MACO1: variants seen among roughly 807,000 people sequenced by gnomAD.
MACO1 encodes the protein macoilin 1.
A neutral mutation model predicts 78.7 loss-of-function variants in MACO1; 14 were observed. That is an observed-to-expected ratio of 0.18 (90% confidence interval 0.12 to 0.28). The LOEUF (loss-of-function observed/expected upper bound fraction) is 0.28, where lower values mean the gene tolerates loss of function less well. Ranked by LOEUF, MACO1 falls within the 10% of genes least tolerant of loss-of-function variation. The pLI is 1.00. For missense variants in MACO1, 501 were observed against 799.0 expected, an observed-to-expected ratio of 0.63 and a Z score of 4.50; for synonymous variants, 288 against 291.6, an observed-to-expected ratio of 0.99 and a Z score of 0.12.
At chr1:25,484,551 T>G (rs2043411508) in intron 7 of MACO1, among the ~76,000 whole-genome samples, 1 of 152,258 alleles carries the variant, frequency 6.6e-6, no homozygotes, top group African/African-American at 2.4e-5. Flanking sequence ...AGTTTTTGGA[T>G]AGTAAAATTG....
chr1:25,465,523 C>T (rs146370248), intron 6 of MACO1, among the ~76,000 whole-genome samples: 31 of 152,290 alleles, frequency 2.0e-4, no homozygotes, highest in African/African-American at 7.0e-4. Context: ...TTTTAATTTG[C>T]ATTTCCCTGG....
chr1:25,461,689 T>C (rs1020185428), intron 6 of MACO1, among the ~76,000 whole-genome samples: 4 of 152,088 alleles, frequency 2.6e-5, no homozygotes, highest in Non-Finnish European at 5.9e-5. Flanking sequence ...AATCATACTT[T>C]CAAGCCATAT....
In MACO1 at chr1:25,448,779, C is replaced by A. The variant is rs902338076; in HGVS notation, c.223-29C>A. 5.3e-6 allele frequency: 8 copies of A among 1,496,476 alleles called. No individual in the cohort carries two copies. In the African/African-American group the frequency reaches 8.2e-5, roughly 15 times the overall value. The allele number at this position is 1,496,476 out of a possible 1,614,324, so 92.7% of individuals were successfully genotyped here. A position where few individuals can be genotyped will look rare whatever the true frequency, so the allele number is the denominator to read the frequency against. ...GAAAATAACAGGTTCTAAGATGTAT[C>A]TTTTATTTTGTTTTATTTTTCCCTT... On this transcript the variant is annotated intron_variant, in intron 2 of 10. Transcript: ENST00000374343.
intron 6 of MACO1, among the ~76,000 whole-genome samples, chr1:25,464,555 G>A (rs1400328125): frequency 1.3e-5 from 2 of 151,666 alleles, no homozygotes; most frequent in Non-Finnish European, 1.5e-5. Context: ...ATGTTGGCCA[G>A]GCTGGTCTTG....
intron 6 of MACO1, among the ~76,000 whole-genome samples, chr1:25,481,132 T>TA (rs2043373834): frequency 6.6e-6 from 1 of 151,782 alleles, no homozygotes; most frequent in Admixed American, 6.6e-5. Flanking sequence ...GGGAAAAGAT[T>TA]AAAAAATGAA....
intron 6 of MACO1, 110 bp from the exon 7 acceptor site, chr1:25,484,006 G>T: frequency 3.7e-6 from 4 of 1,094,998 alleles, no homozygotes; most frequent in Non-Finnish European, 3.9e-6. Flanking sequence ...AACTGCCAGC[G>T]GGGTCCTTTT....
chr1:25,457,989 G>A (rs558895625), intron 5 of MACO1, among the ~76,000 whole-genome samples: 22 of 152,066 alleles, frequency 1.4e-4, no homozygotes, highest in Middle Eastern at 3.4e-3. Context: ...TTAACAGTTC[G>A]TTTACTCCAG....
chr1:25,431,028 G>C lies in MACO1; in HGVS notation c.-71G>C. 7.4e-7 allele frequency: 1 copy of C among 1,348,266 alleles called. No individual in the cohort carries two copies. The highest frequency in any genetic ancestry group is 1.0e-6 in the Non-Finnish European group (1 of 991,474). 83.5% of individuals were successfully genotyped at this position (1,348,266 alleles called of 1,614,324 possible). On this transcript the variant is annotated 5_prime_UTR_variant, in exon 1 of 11. Coordinates refer to ENST00000374343, the MANE Select transcript of MACO1 (RefSeq NM_018202.6). Reference sequence around the variant, plus strand: ...TAGAGTCCAGGCCCGACGCGGGGCGGGCCAGCGGCGGCGGCAGCTGAGGTG... The same window carrying C: ...TAGAGTCCAGGCCCGACGCGGGGCGCGCCAGCGGCGGCGGCAGCTGAGGTG...
At chr1:25,464,631 C>T (rs926443383) in intron 6 of MACO1, among the ~76,000 whole-genome samples, 4 of 148,552 alleles carry the variant, frequency 2.7e-5, no homozygotes, top group Non-Finnish European at 5.9e-5. Flanking sequence ...AGGCGTGAGT[C>T]ACCGCACCCG....
At chr1:25,433,709 G>T (rs942309026) in intron 1 of MACO1, among the ~76,000 whole-genome samples, 6 of 152,326 alleles carry the variant, frequency 3.9e-5, no homozygotes, top group African/African-American at 1.2e-4. Context: ...TCCCAGCTCT[G>T]CTGCTTTAGG....
At chr1:25,438,112 A>G (rs1344138543) in intron 1 of MACO1, among the ~76,000 whole-genome samples, 2 of 152,218 alleles carry the variant, frequency 1.3e-5, no homozygotes, top group Non-Finnish European at 2.9e-5. Flanking sequence ...AGAGATATCA[A>G]GGACAGGTAT....
intron 2 of MACO1, among the ~76,000 whole-genome samples, chr1:25,448,356 C>G (rs1174740075): frequency 6.6e-6 from 1 of 151,856 alleles, no homozygotes; most frequent in Non-Finnish European, 1.5e-5. Context: ...TGCAGCTACT[C>G]AAGAGGCCGA....
chr1:25,470,849 G>A (rs921021123), intron 6 of MACO1, among the ~76,000 whole-genome samples: 19 of 150,648 alleles, frequency 1.3e-4, no homozygotes, highest in East Asian at 2.0e-4. Flanking sequence ...CCAACATGGC[G>A]AAACCCCATC....
At chr1:25,481,642 C>T (rs754578583) in intron 6 of MACO1, among the ~76,000 whole-genome samples, 5 of 152,164 alleles carry the variant, frequency 3.3e-5, no homozygotes, top group African/African-American at 4.8e-5. Flanking sequence ...TGACCTCTTT[C>T]GGAATATATT....
chr1:25,449,544 A>AT (rs1014556933), intron 3 of MACO1, among the ~76,000 whole-genome samples: 12 of 150,828 alleles, frequency 8.0e-5, no homozygotes, highest in South Asian at 2.1e-4. Flanking sequence ...AAAAATTTCT[A>AT]TTTTTTTTTA....
intron 1 of MACO1, among the ~76,000 whole-genome samples, chr1:25,437,514 T>A (rs549875046): frequency 6.6e-6 from 1 of 152,118 alleles, no homozygotes; most frequent in Admixed American, 6.6e-5. Context: ...TTGCCTATCT[T>A]GTAGCAAGAA....
chr1:25,450,300 C>T (rs960522156), intron 3 of MACO1, among the ~76,000 whole-genome samples: 1 of 152,156 alleles, frequency 6.6e-6, no homozygotes, highest in African/African-American at 2.4e-5. Context: ...TACACTGTGG[C>T]AGGTATGTTC....
At chr1:25,478,189 G>A (rs1467909626) in intron 6 of MACO1, among the ~76,000 whole-genome samples, 1 of 152,208 alleles carries the variant, frequency 6.6e-6, no homozygotes, top group African/African-American at 2.4e-5. Context: ...AGGTTGCAGT[G>A]AGCCGAGATC....
At chr1:25,472,792 C>T (rs1255674195) in intron 6 of MACO1, among the ~76,000 whole-genome samples, 2 of 152,144 alleles carry the variant, frequency 1.3e-5, no homozygotes, top group Non-Finnish European at 2.9e-5. Context: ...TGCTTGACCC[C>T]TCCCTGAGTG....
Sources: gnomAD v4.1 joint callset for allele counts (sites outside exome capture counted in the v4.1 genomes callset) on GRCh38, gnomAD v4.1.1 for gene constraint, MANE v1.5 for transcripts, NCBI Gene and HGNC (gene_info 2026-07-23, HGNC 2026-07-21) for gene names.